DNAJC12: variants seen among roughly 807,000 people sequenced by gnomAD.
DNAJC12 encodes the protein DnaJ heat shock protein family (Hsp40) member C12.
Under a neutral mutation model 28.5 loss-of-function variants are expected in DNAJC12, and 25 were observed. That is an observed-to-expected ratio of 0.88 (90% CI 0.64 to 1.22). The LOEUF (loss-of-function observed/expected upper bound fraction) is 1.22, where lower values mean the gene tolerates loss of function less well. Among genes scored for constraint, DNAJC12 ranks in the 50% most tolerant of loss-of-function variants. The pLI, the probability that DNAJC12 is intolerant of heterozygous loss-of-function variation, is 0.00. For synonymous variants in DNAJC12, 77 were observed against 80.6 expected (o/e 0.95, Z 0.24); for missense variants, 222 against 231.7 (o/e 0.96, Z 0.27).
At chr10:67,817,242 T>C (rs1391754278) in intron 2 of DNAJC12, among the ~76,000 whole-genome samples, 1 of 152,188 alleles carries the variant, frequency 6.6e-6, no homozygotes, top group Non-Finnish European at 1.5e-5. Context: ...AGCAGATGCA[T>C]GAAGTAATAT....
intron 4 of DNAJC12, 111 bp downstream of exon 4, chr10:67,805,472 T>C (rs978441536): frequency 1.7e-6 from 2 of 1,164,250 alleles, no homozygotes. Flanking sequence ...TAAACCAATC[T>C]TTAAACTTGG....
In DNAJC12 at chr10:67,823,295, GC is replaced by G; in HGVS notation, c.157+18del. On this transcript the variant is annotated intron_variant, in intron 2 of 4. Coordinates refer to ENST00000225171, the MANE Select transcript of DNAJC12 (RefSeq NM_021800.3). ...ATACTACTCATTTTCTTGAGAAGTA[GC>G]CTTTATTAAGTTCTTACCAGCTTTG... The G allele has an allele frequency of 6.2e-7, 1 of 1,607,670 alleles. No homozygotes were observed. The highest frequency in any genetic ancestry group is 2.2e-5 in the East Asian group (1 of 44,822).
At chr10:67,833,899 G>A in intron 1 of DNAJC12, 1 of 482,520 alleles carries the variant, frequency 2.1e-6, no homozygotes. Flanking sequence ...TCTGCCTTCA[G>A]TGGTGGCTAT....
chr10:67,806,175 C>G (rs1208768317), intron 3 of DNAJC12, among the ~76,000 whole-genome samples: 3 of 152,142 alleles, frequency 2.0e-5, no homozygotes, highest in Non-Finnish European at 2.9e-5. Context: ...CTACCATCAA[C>G]CAAAATAATG....
At position 67,837,991 on chromosome 10, in the gene DNAJC12, G is replaced by C; in HGVS notation, c.21C>G (p.Tyr7Ter). 6.2e-7 allele frequency: 1 copy of C among 1,607,974 alleles called. No homozygotes were observed. The highest frequency in any genetic ancestry group is 8.5e-7 in the Non-Finnish European group (1 of 1,177,046). ...AGTAATCTTCAGTATCTTCTGACCT[G>C]TAATTCAGTATTGCATCCATTTAGA... MDAILN[Y>*]RSEDTEDYYT... Residue 7 changes from tyrosine (Y) to a stop codon, truncating the protein, a stop_gained, in exon 1 of 5, where the codon TAC becomes TAG. Coordinates refer to ENST00000225171, the MANE Select transcript of DNAJC12 (RefSeq NM_021800.3). LOFTEE classifies it high-confidence loss of function.
intron 1 of DNAJC12, among the ~76,000 whole-genome samples, chr10:67,832,090 AC>A (rs918267773): frequency 1.3e-5 from 2 of 152,122 alleles, no homozygotes; most frequent in African/African-American, 4.8e-5. Context: ...ACATGGTGAA[AC>A]CCCATCTCTA....
intron 3 of DNAJC12, among the ~76,000 whole-genome samples, chr10:67,810,400 G>A (rs1841847495): frequency 6.6e-6 from 1 of 152,166 alleles, no homozygotes; most frequent in South Asian, 2.1e-4. Flanking sequence ...TGGCACCCCT[G>A]AGGCTGTGGC....
intron 1 of DNAJC12, among the ~76,000 whole-genome samples, chr10:67,832,083 T>A (rs1842099327): frequency 6.6e-6 from 1 of 152,082 alleles, no homozygotes; most frequent in Non-Finnish European, 1.5e-5. Flanking sequence ...CTGACCAACA[T>A]GGTGAAACCC....
chr10:67,829,685 C>T (rs1842074290), intron 1 of DNAJC12, among the ~76,000 whole-genome samples: 1 of 151,974 alleles, frequency 6.6e-6, no homozygotes, highest in Non-Finnish European at 1.5e-5. Context: ...ACAAATCTGT[C>T]CCTGTTGACT....
chr10:67,811,967 G>T (rs1354093051), intron 2 of DNAJC12, among the ~76,000 whole-genome samples: 1 of 152,120 alleles, frequency 6.6e-6, no homozygotes. Context: ...AGAAACATTT[G>T]TAAACATTGA....
intron 1 of DNAJC12, among the ~76,000 whole-genome samples, chr10:67,831,753 C>T (rs1842095522): frequency 6.6e-6 from 1 of 152,182 alleles, no homozygotes; most frequent in African/African-American, 2.4e-5. Flanking sequence ...CATCATGTCT[C>T]ACCTTTTTGT....
At chr10:67,810,516 A>G (rs1313387480) in intron 3 of DNAJC12, among the ~76,000 whole-genome samples, 3 of 152,174 alleles carry the variant, frequency 2.0e-5, no homozygotes, top group African/African-American at 7.2e-5. Context: ...AGGGACTAAT[A>G]ATGTTCCCAA....
At position 67,797,128 on chromosome 10, in the gene DNAJC12, G is replaced by T; in HGVS notation, c.585C>A (p.Asn195Lys). The T allele has an allele frequency of 6.2e-7, 1 of 1,613,238 alleles. No individual in the cohort carries two copies. Among genetic ancestry groups the T allele is most frequent in the Non-Finnish European group, 8.5e-7 (1 of 1,179,486 alleles). The part of the protein sequence containing the change: ...APSELLRKFR[N>K]YEI ...AAGCAGAGATATTTCATATTTCATAGTTTCTGAACTTCCTCAGGAGTTCTG... is the reference window on the plus strand; with the variant it reads ...AAGCAGAGATATTTCATATTTCATATTTTCTGAACTTCCTCAGGAGTTCTG... The change falls in exon 5 of 5, where the codon AAC becomes AAA. Residue 195 changes from asparagine to lysine, a missense_variant. Coordinates refer to ENST00000225171, the MANE Select transcript of DNAJC12 (RefSeq NM_021800.3).
chr10:67,818,469 A>C (rs1589608421), intron 2 of DNAJC12, among the ~76,000 whole-genome samples: 1 of 152,138 alleles, frequency 6.6e-6, no homozygotes, highest in African/African-American at 2.4e-5. Flanking sequence ...GAGGCAGCCC[A>C]TACATGAAAA....
intron 1 of DNAJC12, among the ~76,000 whole-genome samples, chr10:67,837,656 T>C (rs1195630109): frequency 2.0e-5 from 3 of 152,200 alleles, no homozygotes; most frequent in Admixed American, 6.5e-5. Flanking sequence ...TATTTATTTT[T>C]AATATACTAT....
At chr10:67,806,791 C>G (rs1186843097) in intron 3 of DNAJC12, among the ~76,000 whole-genome samples, 7 of 146,978 alleles carry the variant, frequency 4.8e-5, no homozygotes. Flanking sequence ...CACCATTGCA[C>G]TCCAGCCTGG....
intron 4 of DNAJC12, among the ~76,000 whole-genome samples, chr10:67,800,622 C>T (rs960438792): frequency 1.3e-5 from 2 of 152,060 alleles, no homozygotes; most frequent in African/African-American, 2.4e-5. Flanking sequence ...CCCAGGGACA[C>T]GGCAGCACAC....
intron 1 of DNAJC12, among the ~76,000 whole-genome samples, chr10:67,829,014 G>A (rs756161841): frequency 2.6e-5 from 4 of 152,112 alleles, no homozygotes; most frequent in Non-Finnish European, 5.9e-5. Context: ...GGAGGTGGGG[G>A]GAAAGTCTCT....
At chr10:67,807,697 C>A (rs937744519) in intron 3 of DNAJC12, among the ~76,000 whole-genome samples, 2 of 152,216 alleles carry the variant, frequency 1.3e-5, no homozygotes, top group African/African-American at 4.8e-5. Context: ...GCTTCACAAG[C>A]CAGCAAAGTG....
Sources: gnomAD v4.1 joint callset for allele counts (sites outside exome capture counted in the v4.1 genomes callset) on GRCh38, gnomAD v4.1.1 for gene constraint, MANE v1.5 for transcripts, NCBI Gene and HGNC (gene_info 2026-07-23, HGNC 2026-07-21) for gene names.